The following SNX29 variants were observed in gnomAD, a reference collection of about 807,000 sequenced individuals.
SNX29 encodes the protein sorting nexin-29.
SNX29 carries 78 observed loss-of-function variants against 102.1 expected under a neutral mutation model. The observed-to-expected ratio is 0.76, with a 90% CI of 0.64 to 0.92. The LOEUF (loss-of-function observed/expected upper bound fraction) is 0.92. Ranked by LOEUF, SNX29 falls within the 40% of genes least tolerant of loss-of-function variation. The pLI is 0.00. For missense variants in SNX29, 1,280 were observed against 1,061.7 expected, an observed-to-expected ratio of 1.21 and a Z score of -2.86; for synonymous variants, 580 against 414.5, an observed-to-expected ratio of 1.40 and a Z score of -4.85.
intron 14 of SNX29, among the ~76,000 whole-genome samples, chr16:12,228,227 A>G (rs1292289795): frequency 1.3e-5 from 2 of 152,272 alleles, no homozygotes; most frequent in African/African-American, 4.8e-5. Flanking sequence ...CGGTCTCTGT[A>G]GAGAGATGGA....
chr16:12,525,941 A>G (rs1194756430), intron 20 of SNX29, among the ~76,000 whole-genome samples: 1 of 152,128 alleles, frequency 6.6e-6, no homozygotes, highest in Non-Finnish European at 1.5e-5. Flanking sequence ...CTCTGTTGTC[A>G]TAACCTGGGA....
chr16:12,146,665 C>A (rs956588390), intron 13 of SNX29, among the ~76,000 whole-genome samples: 1 of 152,188 alleles, frequency 6.6e-6, no homozygotes, highest in South Asian at 2.1e-4. Context: ...CCATTCATCA[C>A]TGCTTGGCTC....
intron 8 of SNX29, among the ~76,000 whole-genome samples, chr16:12,059,656 C>T (rs773360785): frequency 2.0e-5 from 3 of 152,154 alleles, no homozygotes; most frequent in African/African-American, 4.8e-5. Flanking sequence ...GGACCAAACC[C>T]GCCCCCAAGC....
intron 14 of SNX29, among the ~76,000 whole-genome samples, chr16:12,254,673 A>G (rs1381575595): frequency 1.3e-5 from 2 of 151,078 alleles, no homozygotes; most frequent in Non-Finnish European, 3.0e-5. Context: ...AGGACTGACC[A>G]GGGAGGAGAC....
rs887595816 is a variant in SNX29, at chr16:12,131,060, C to T, written c.1595+1302C>T. ...GTCAAAGTGCAGCGCATTTGTAAGT[C>T]GGACAGGGACCATCAACTCGCCTGG... On this transcript the variant is annotated intron_variant, in intron 13 of 20. Coordinates refer to ENST00000566228, the MANE Select transcript of SNX29 (RefSeq NM_032167.5). Among the ~76,000 whole-genome samples the T allele has an allele frequency of 3.3e-5, 5 of 152,166 alleles. No individual in the cohort carries two copies. In the East Asian group the frequency reaches 5.8e-4, roughly 18 times the overall value.
At chr16:12,180,397 C>G (rs923306293) in intron 13 of SNX29, among the ~76,000 whole-genome samples, 6 of 152,120 alleles carry the variant, frequency 3.9e-5, no homozygotes, top group African/African-American at 1.2e-4. Context: ...TCTGGCGCAT[C>G]TTTATCTGCA....
intron 14 of SNX29, among the ~76,000 whole-genome samples, chr16:12,272,943 C>T (rs1389546482): frequency 2.6e-5 from 4 of 152,206 alleles, no homozygotes; most frequent in South Asian, 2.1e-4. Flanking sequence ...ACACGCAGCT[C>T]CCCATCCTCT....
intron 15 of SNX29, among the ~76,000 whole-genome samples, chr16:12,341,078 G>A (rs1314793789): frequency 2.0e-5 from 3 of 152,222 alleles, no homozygotes; most frequent in African/African-American, 7.2e-5. Context: ...CAAGAAGAGT[G>A]TCTGGCCTGT....
chr16:12,114,887 A>T (rs1259201840), intron 11 of SNX29, among the ~76,000 whole-genome samples: 3 of 152,114 alleles, frequency 2.0e-5, no homozygotes, highest in African/African-American at 7.2e-5. Flanking sequence ...AATGGGTTTG[A>T]TTCTAAACAC....
chr16:12,471,281 A>C (rs1487060351), intron 18 of SNX29, among the ~76,000 whole-genome samples: 1 of 152,056 alleles, frequency 6.6e-6, no homozygotes, highest in Non-Finnish European at 1.5e-5. Flanking sequence ...TCTGAGATAA[A>C]TTTTACCCTG....
chr16:12,285,568 C>T (rs556359300), intron 15 of SNX29, among the ~76,000 whole-genome samples: 4 of 152,212 alleles, frequency 2.6e-5, no homozygotes, highest in South Asian at 2.1e-4. Context: ...CATAATCACA[C>T]GCTGTAGATA....
At chr16:12,406,673 C>T (rs111923424) in intron 18 of SNX29, among the ~76,000 whole-genome samples, 14,925 of 152,096 alleles carry the variant, frequency 0.098, 807 homozygotes, top group Middle Eastern at 0.16. Context: ...TTTGGGAGGC[C>T]GAGATGGGTG....
intron 14 of SNX29, among the ~76,000 whole-genome samples, chr16:12,230,442 A>G (rs548166841): frequency 2.0e-5 from 3 of 152,352 alleles, no homozygotes; most frequent in East Asian, 1.9e-4. Flanking sequence ...GCAGGATTGC[A>G]AAGTGCAAAC....
intron 13 of SNX29, among the ~76,000 whole-genome samples, chr16:12,162,534 C>CTG (rs2055833196): frequency 6.6e-6 from 1 of 152,234 alleles, no homozygotes; most frequent in Non-Finnish European, 1.5e-5. Flanking sequence ...GTGGACATGC[C>CTG]TGTGTTCCAC....
chr16:12,545,795 A>G (rs2077571010), intron 20 of SNX29, among the ~76,000 whole-genome samples: 3 of 152,066 alleles, frequency 2.0e-5, no homozygotes, highest in Non-Finnish European at 4.4e-5. Flanking sequence ...ACCACTAGGC[A>G]TACAGGGGCC....
At chr16:12,474,041 G>A (rs2087479197) in intron 18 of SNX29, among the ~76,000 whole-genome samples, 2 of 152,166 alleles carry the variant, frequency 1.3e-5, no homozygotes, top group African/African-American at 4.8e-5. Context: ...CTTGAGATCC[G>A]AGAACCTTCT....
At chr16:12,443,141 G>T in intron 18 of SNX29, 1 of 412,064 alleles carries the variant, frequency 2.4e-6, no homozygotes, top group South Asian at 1.7e-5. Flanking sequence ...ATCCTGCCGG[G>T]CCTAGGGCCT....
In SNX29 at chr16:12,497,215, C is replaced by T. The variant is rs866151333; in HGVS notation, c.2178+19356C>T. Among the ~76,000 whole-genome samples, 4 of 152,116 alleles carry T rather than the reference C, an allele frequency of 2.6e-5. No individual in the cohort carries two copies. The East Asian group carries it at 5.8e-4, about 22-fold the overall frequency. On this transcript the variant is annotated intron_variant, in intron 19 of 20. Transcript: ENST00000566228. ...TCTTAAGAGTTCTTGGCAGAAAGGC[C>T]CTGAAGTAAAAAAGTAAACGAAAAG...
intron 13 of SNX29, among the ~76,000 whole-genome samples, chr16:12,179,346 G>A (rs1478308780): frequency 6.6e-6 from 1 of 152,224 alleles, no homozygotes; most frequent in South Asian, 2.1e-4. Flanking sequence ...TTAGCCAGGT[G>A]TGGGGGTGCA....
Sources: allele counts gnomAD v4.1 joint callset (sites outside exome capture counted in the v4.1 genomes callset), GRCh38; gene constraint gnomAD v4.1.1; transcripts MANE v1.5; gene names NCBI Gene and HGNC (gene_info 2026-07-23, HGNC 2026-07-21).